Variants in TMEM117 observed in about 807,000 individuals in gnomAD.
The protein encoded by TMEM117 is transmembrane protein 117.
A neutral mutation model predicts 52.4 loss-of-function variants in TMEM117; 27 were observed. The observed-to-expected ratio is 0.51, with a 90% CI of 0.38 to 0.71. The LOEUF (loss-of-function observed/expected upper bound fraction) is 0.71. TMEM117 is among the 30% of genes least tolerant of loss of function. The pLI, the probability that TMEM117 is intolerant of heterozygous loss-of-function variation, is 0.00. For missense variants in TMEM117, 556 were observed against 630.5 expected, an observed-to-expected ratio of 0.88 and a Z score of 1.26; for synonymous variants, 215 against 206.3, an observed-to-expected ratio of 1.04 and a Z score of -0.36.
At chr12:44,102,207 A>G (rs2138077649) in intron 3 of TMEM117, among the ~76,000 whole-genome samples, 1 of 152,198 alleles carries the variant, frequency 6.6e-6, no homozygotes, top group South Asian at 2.1e-4. Context: ...AATATTGAGA[A>G]GAAAGCACAG....
intron 3 of TMEM117, among the ~76,000 whole-genome samples, chr12:44,115,272 C>T (rs932511503): frequency 6.6e-6 from 1 of 152,038 alleles, no homozygotes; most frequent in African/African-American, 2.4e-5. Flanking sequence ...AACACTTGGA[C>T]ACAGGAAGGG....
At chr12:44,329,803 CT>C (rs1480379544) in intron 6 of TMEM117, among the ~76,000 whole-genome samples, 2 of 152,030 alleles carry the variant, frequency 1.3e-5, no homozygotes, top group Non-Finnish European at 2.9e-5. Flanking sequence ...TAGCATATGT[CT>C]TTAAGGTTTA....
intron 6 of TMEM117, among the ~76,000 whole-genome samples, chr12:44,369,403 A>G (rs1428084320): frequency 6.6e-6 from 1 of 152,212 alleles, no homozygotes; most frequent in Non-Finnish European, 1.5e-5. Flanking sequence ...CTATATACTT[A>G]CTTTTCAGGC....
At chr12:44,228,951 G>T (rs1219546158) in intron 5 of TMEM117, among the ~76,000 whole-genome samples, 1 of 152,102 alleles carries the variant, frequency 6.6e-6, no homozygotes, top group Non-Finnish European at 1.5e-5. Context: ...ATGGATTATA[G>T]GAAGGCAGTA....
At chr12:44,001,282 G>A (rs1946112972) in intron 3 of TMEM117, among the ~76,000 whole-genome samples, 1 of 152,138 alleles carries the variant, frequency 6.6e-6, no homozygotes. Flanking sequence ...ACCTAGCTCT[G>A]GGCCAGCCTT....
chr12:43,798,650 C>T, the TMEM117 span: 1 of 1,435,636 alleles, frequency 7.0e-7, no homozygotes, highest in Admixed American at 2.6e-5. Context: ...CATAAAAAGC[C>T]CTACTCAAAT....
intron 2 of TMEM117, among the ~76,000 whole-genome samples, chr12:43,936,859 A>T (rs1260134226): frequency 1.3e-5 from 2 of 152,152 alleles, no homozygotes; most frequent in Non-Finnish European, 2.9e-5. Context: ...GGGTGTGATA[A>T]AGATTACTCT....
chr12:44,396,421 C>T, the TMEM117 span, among the ~76,000 whole-genome samples: 1 of 152,062 alleles, frequency 6.6e-6, no homozygotes, highest in Non-Finnish European at 1.5e-5. Context: ...ATCTGTGTCT[C>T]CTATTAGATT....
chr12:44,326,436 T>C (rs1165777314), intron 6 of TMEM117, among the ~76,000 whole-genome samples: 1 of 152,156 alleles, frequency 6.6e-6, no homozygotes, highest in East Asian at 1.9e-4. Flanking sequence ...ATCCAGGATC[T>C]TGAGAGACCT....
intron 4 of TMEM117, among the ~76,000 whole-genome samples, chr12:44,181,009 C>T (rs1949189832): frequency 6.6e-6 from 1 of 152,164 alleles, no homozygotes; most frequent in African/African-American, 2.4e-5. Context: ...TCCTCTCCAG[C>T]ACCTGTTGTT....
intron 6 of TMEM117, among the ~76,000 whole-genome samples, chr12:44,317,000 TTC>T (rs1445164158): frequency 1.0e-4 from 15 of 147,770 alleles, no homozygotes; most frequent in African/African-American, 3.7e-4. Context: ...CTTTTTCTTT[TTC>T]TTTTTTTTTT....
intron 6 of TMEM117, among the ~76,000 whole-genome samples, chr12:44,332,391 C>T (rs868638674): frequency 6.6e-6 from 1 of 151,982 alleles, no homozygotes; most frequent in Non-Finnish European, 1.5e-5. Context: ...CCAAATTGCT[C>T]TGTATCAGAC....
At chr12:44,018,391 A>G (rs1946404279) in intron 3 of TMEM117, among the ~76,000 whole-genome samples, 1 of 152,222 alleles carries the variant, frequency 6.6e-6, no homozygotes, top group Non-Finnish European at 1.5e-5. Context: ...AGACCTACTG[A>G]ATTTGCAAGT....
At chr12:43,992,301 C>T (rs1945955928) in intron 3 of TMEM117, among the ~76,000 whole-genome samples, 1 of 151,980 alleles carries the variant, frequency 6.6e-6, no homozygotes, top group African/African-American at 2.4e-5. Context: ...GAGATGAGGT[C>T]TCACTGTATT....
chr12:43,939,026 AAAAAG>A (rs1945001543), intron 2 of TMEM117, among the ~76,000 whole-genome samples: 1 of 152,058 alleles, frequency 6.6e-6, no homozygotes, highest in African/African-American at 2.4e-5. Flanking sequence ...TAAAAAATAA[AAAAAG>A]AAAAGAAAAT....
chr12:44,277,994 C>A (rs1054354017), intron 5 of TMEM117, among the ~76,000 whole-genome samples: 39 of 152,032 alleles, frequency 2.6e-4, no homozygotes, highest in African/African-American at 9.2e-4. Context: ...GAACTCCTGA[C>A]CTTGTGATCT....
chr12:44,022,999 G>A (rs543731024), intron 3 of TMEM117, among the ~76,000 whole-genome samples: 8 of 152,248 alleles, frequency 5.3e-5, no homozygotes, highest in African/African-American at 1.7e-4. Flanking sequence ...ACATGATGCC[G>A]AGTGCTTTTA....
intron 3 of TMEM117, among the ~76,000 whole-genome samples, chr12:44,105,541 A>G (rs1947938300): frequency 6.6e-6 from 1 of 151,872 alleles, no homozygotes; most frequent in South Asian, 2.1e-4. Flanking sequence ...TGCATTGGAT[A>G]AGAGAAACTG....
intron 2 of TMEM117, among the ~76,000 whole-genome samples, chr12:43,930,022 C>G (rs914287726): frequency 6.6e-6 from 1 of 152,098 alleles, no homozygotes; most frequent in African/African-American, 2.4e-5. Flanking sequence ...ACAATCTTCC[C>G]TAGAGAAAAT....
Sources: gnomAD v4.1 joint callset for allele counts (sites outside exome capture counted in the v4.1 genomes callset) on GRCh38, gnomAD v4.1.1 for gene constraint, MANE v1.5 for transcripts, NCBI Gene and HGNC (gene_info 2026-07-23, HGNC 2026-07-21) for gene names.